MED13: variants seen among roughly 807,000 people sequenced by gnomAD.
The protein encoded by MED13 is mediator complex subunit 13, also known as mediator of RNA polymerase II transcription subunit 13.
MED13 carries 23 observed loss-of-function variants against 225.2 expected under a neutral mutation model. That is an observed-to-expected ratio of 0.10 (90% CI 0.07 to 0.14). The LOEUF is 0.14. Among genes scored for constraint, MED13 ranks in the 10% least tolerant of loss-of-function variants. The pLI is 1.00. For missense variants in MED13, 2,197 were observed against 2,594.5 expected (o/e 0.85, Z 3.33); for synonymous variants, 942 against 889.2 (o/e 1.06, Z -1.06).
chr17:61,961,505 G>T, intron 22 of MED13, 83 bp downstream of exon 22: 2 of 1,217,980 alleles, frequency 1.6e-6, no homozygotes, highest in Non-Finnish European at 2.2e-6. Context: ...GGGTGACAAA[G>T]CAAGGCTCCA....
intron 3 of MED13, among the ~76,000 whole-genome samples, chr17:62,051,338 A>G (rs7215446): frequency 0.99 from 151,409 of 152,312 alleles, 75,262 homozygotes; most frequent in Middle Eastern, 1. Context: ...AAGATGTAAA[A>G]ATGGCACAGA....
At position 61,944,372 on chromosome 17, in the gene MED13, G is replaced by GT. The variant is rs201249883; in HGVS notation, c.*2095dup. Reference sequence around the variant, plus strand: ...ACATTTTCCTTCAAATCTCAGACAAGTTTTTTTTTTTTTTTTAAAGAAAGT... The same window carrying GT: ...ACATTTTCCTTCAAATCTCAGACAAGTTTTTTTTTTTTTTTTTAAAGAAAGT... On this transcript the variant is annotated 3_prime_UTR_variant, in exon 30 of 30. Transcript: ENST00000397786. The GT allele has an allele frequency of 0.1, 14,593 of 140,050 alleles. 918 individuals are homozygous for GT. The highest frequency in any genetic ancestry group is 0.33 in the South Asian group (1,476 of 4,468). The allele number at this position is 140,050 out of a possible 1,614,324, so 8.7% of individuals were successfully genotyped here. A position where few individuals can be genotyped will look rare whatever the true frequency, so the allele number is the denominator to read the frequency against.
chr17:61,995,155 G>A lies in MED13; in HGVS notation c.2178C>T (p.His726=). 6.2e-7 allele frequency: 1 copy of A among 1,610,268 alleles called. No homozygotes were observed. Among genetic ancestry groups the A allele is most frequent in the Non-Finnish European group, 8.5e-7 (1 of 1,176,970 alleles). Reference sequence around the variant, plus strand: ...GGTGTACTGTGATTTCTCTTACCTTGTGTTTTTTTCCAGCTTCTCTCTCAC... The same window carrying A: ...GGTGTACTGTGATTTCTCTTACCTTATGTTTTTTTCCAGCTTCTCTCTCAC... The part of the protein sequence containing the change: ...QNSEREAGKK[H]KVEDGTSSVT... Residue 726 remains histidine (H), a synonymous_variant, in exon 10 of 30, where the codon CAC becomes CAT. Transcript: ENST00000397786.
chr17:61,960,574 T>G (rs574448861), intron 23 of MED13, among the ~76,000 whole-genome samples: 1 of 152,264 alleles, frequency 6.6e-6, no homozygotes, highest in Non-Finnish European at 1.5e-5. Context: ...TACTAGACCA[T>G]TTTTTTACAT....
intron 3 of MED13, among the ~76,000 whole-genome samples, chr17:62,037,588 A>T (rs1272472696): frequency 6.7e-6 from 1 of 148,772 alleles, no homozygotes; most frequent in Non-Finnish European, 1.5e-5. Flanking sequence ...AATCGCTTGA[A>T]CCCAGGAGAC....
chr17:61,971,581 G>T (rs548698761), intron 17 of MED13, among the ~76,000 whole-genome samples: 1 of 152,106 alleles, frequency 6.6e-6, no homozygotes, highest in Non-Finnish European at 1.5e-5. Flanking sequence ...GATTACAGGC[G>T]TGAGCCACCA....
intron 3 of MED13, among the ~76,000 whole-genome samples, chr17:62,043,372 A>G (rs2143722868): frequency 1.3e-5 from 2 of 152,212 alleles, no homozygotes; most frequent in Middle Eastern, 6.8e-3. Context: ...GATGACAGAC[A>G]TTAAGGACAA....
intron 3 of MED13, among the ~76,000 whole-genome samples, chr17:62,044,025 T>C (rs1017177657): frequency 3.3e-5 from 5 of 152,212 alleles, no homozygotes; most frequent in South Asian, 2.1e-4. Flanking sequence ...GAAATTTGCC[T>C]TTTCGGAGAC....
chr17:61,947,613 T>C (rs533683769), intron 28 of MED13, among the ~76,000 whole-genome samples: 11 of 152,196 alleles, frequency 7.2e-5, no homozygotes, highest in Non-Finnish European at 1.0e-4. Flanking sequence ...GCAAATAGTT[T>C]GGTTACAGCA....
At chr17:61,966,018 T>G (rs1326516926) in intron 19 of MED13, among the ~76,000 whole-genome samples, 1 of 152,138 alleles carries the variant, frequency 6.6e-6, no homozygotes, top group Non-Finnish European at 1.5e-5. Context: ...AGAAAAAAAG[T>G]ATGTAACAAG....
intron 6 of MED13, 73 bp from the exon 7 acceptor site, chr17:62,030,086 A>G: frequency 7.7e-7 from 1 of 1,293,910 alleles, no homozygotes; most frequent in Non-Finnish European, 1.0e-6. Context: ...TGGGTTTTTT[A>G]TTAATTTGTG....
intron 9 of MED13, among the ~76,000 whole-genome samples, chr17:61,998,458 C>T (rs1396295199): frequency 6.6e-6 from 1 of 152,146 alleles, no homozygotes; most frequent in African/African-American, 2.4e-5. Flanking sequence ...GTAGCATATG[C>T]TGTTATGCCT....
intron 29 of MED13, 82 bp downstream of exon 29, chr17:61,946,835 A>T: frequency 7.3e-7 from 1 of 1,378,646 alleles, no homozygotes; most frequent in Non-Finnish European, 1.0e-6. Context: ...ATTCTTGCCA[A>T]AAATGAGAAA....
intron 3 of MED13, among the ~76,000 whole-genome samples, chr17:62,035,837 G>A (rs1022892829): frequency 2.6e-5 from 4 of 152,158 alleles, no homozygotes; most frequent in African/African-American, 9.6e-5. Context: ...CCAGTTAAAC[G>A]AGTTAGGTAC....
At chr17:62,011,358 TAATTTG>T in intron 8 of MED13, 125 bp from the exon 9 acceptor site, 1 of 845,382 alleles carries the variant, frequency 1.2e-6, no homozygotes. Flanking sequence ...AAAAGTAAAA[TAATTTG>T]AATTTGAAAG....
chr17:62,016,326 C>A (rs1410449800), intron 8 of MED13, among the ~76,000 whole-genome samples: 3 of 152,020 alleles, frequency 2.0e-5, no homozygotes, highest in African/African-American at 7.2e-5. Flanking sequence ...GCAAGAGCCA[C>A]CTCATTGGCT....
intron 2 of MED13, among the ~76,000 whole-genome samples, chr17:62,056,116 A>G (rs1412827052): frequency 6.6e-6 from 1 of 152,238 alleles, no homozygotes; most frequent in Non-Finnish European, 1.5e-5. Flanking sequence ...GAGAAAAACG[A>G]GAGTAAGTCC....
At chr17:62,019,917 TG>T (rs1241204501) in intron 8 of MED13, among the ~76,000 whole-genome samples, 1 of 151,890 alleles carries the variant, frequency 6.6e-6, no homozygotes, top group Non-Finnish European at 1.5e-5. Context: ...CTAATTTTTT[TG>T]TATTTTTAGT....
chr17:61,971,766 T>C (rs1010483618), intron 17 of MED13, among the ~76,000 whole-genome samples: 1 of 151,984 alleles, frequency 6.6e-6, no homozygotes, highest in African/African-American at 2.4e-5. Flanking sequence ...AAACCCTGTC[T>C]CTACTAAAAG....
Sources: allele counts gnomAD v4.1 joint callset (sites outside exome capture counted in the v4.1 genomes callset), GRCh38; gene constraint gnomAD v4.1.1; transcripts MANE v1.5; gene names NCBI Gene and HGNC (gene_info 2026-07-23, HGNC 2026-07-21).